Variants in PLAGL1 observed in about 807,000 individuals in gnomAD.
PLAGL1 encodes the protein PLAG1 like zinc finger 1.
A neutral mutation model predicts 4.6 loss-of-function variants in PLAGL1; 1 was observed. That is an observed-to-expected ratio of 0.22 (90% CI 0.08 to 1.03). PLAGL1 has a LOEUF of 1.03. Ranked by LOEUF, PLAGL1 falls within the 50% of genes least tolerant of loss-of-function variation. The probability of loss-of-function intolerance (pLI) is 0.58; values close to 1 mark genes in which losing one functional copy is unlikely to be tolerated. For synonymous variants in PLAGL1, 240 were observed against 237.8 expected (o/e 1.01, Z -0.08); for missense variants, 464 against 570.4 (o/e 0.81, Z 1.90).
At position 144,000,562 on chromosome 6, in the gene PLAGL1, T is replaced by A. The variant is rs1792637648; in HGVS notation, c.-584+7528A>T. Among the ~76,000 whole-genome samples, 1 of 152,078 alleles carries A rather than the reference T, an allele frequency of 6.6e-6. No individual in the cohort carries two copies. Among genetic ancestry groups the A allele is most frequent in the Non-Finnish European group, 1.5e-5 (1 of 67,980 alleles). On this transcript the variant is annotated intron_variant, in intron 1 of 7. Transcript: ENST00000674357. This position sits in a 1 kb window ranked among gnomAD's most constrained non-coding sequence, Gnocchi z 4.1. The stretch of plus-strand genomic sequence containing the variant: ...AAATGAAAAAATTGAGTATTGCAAA[T>A]ATACCCATTCTTCTCATATTGATCT...
chr6:144,046,431 A>G (rs1298749373), intron 1 of PLAGL1, among the ~76,000 whole-genome samples: 1 of 152,112 alleles, frequency 6.6e-6, no homozygotes, highest in Non-Finnish European at 1.5e-5. Context: ...TTTTCCTTCT[A>G]ACAGTCAGGT....
At chr6:143,981,047 A>G (rs1787824910) in intron 2 of PLAGL1, among the ~76,000 whole-genome samples, 1 of 152,216 alleles carries the variant, frequency 6.6e-6, no homozygotes, top group African/African-American at 2.4e-5. Context: ...CAGAGACTAC[A>G]TGGCCCACAT....
At position 143,963,478 on chromosome 6, in the gene PLAGL1, T is replaced by G. The variant is rs748123404; in HGVS notation, c.-399+1309A>C. On this transcript the variant is annotated intron_variant, in intron 5 of 7. Transcript: ENST00000674357. The surrounding 1 kb of genome is among the most constrained non-coding windows in gnomAD (Gnocchi z 6.1). ...TCCCGGATCCTCACCAGGTGATGGC[T>G]ACTGTTTTAAGAACTTTACCTAATA... is the stretch of plus-strand genomic sequence containing the variant. Among the ~76,000 whole-genome samples the G allele has an allele frequency of 1.3e-5, 2 of 152,208 alleles. No individual in the cohort carries two copies. Among genetic ancestry groups the G allele is most frequent in the Non-Finnish European group, 2.9e-5 (2 of 68,028 alleles).
chr6:144,011,478 T>G (rs911971094), upstream of PLAGL1, among the ~76,000 whole-genome samples: 29 of 152,204 alleles, frequency 1.9e-4, no homozygotes, highest in Non-Finnish European at 4.0e-4. This position sits in a 1 kb window ranked among gnomAD's most constrained non-coding sequence, Gnocchi z 4.3. Flanking sequence ...TCTTTAACAT[T>G]AATATACCCT....
intron 1 of PLAGL1, among the ~76,000 whole-genome samples, chr6:144,001,642 G>A (rs1302282409): frequency 6.6e-6 from 1 of 151,982 alleles, no homozygotes; most frequent in East Asian, 1.9e-4. Flanking sequence ...CTAACAAATA[G>A]ACCATGGAAA....
At chr6:144,021,853 G>T (rs1796001414) in intron 1 of PLAGL1, among the ~76,000 whole-genome samples, 1 of 152,194 alleles carries the variant, frequency 6.6e-6, no homozygotes. Flanking sequence ...TTCCAGAAAG[G>T]TTTCAAATGG....
intron 1 of PLAGL1, among the ~76,000 whole-genome samples, chr6:144,051,529 C>T (rs953951716): frequency 6.6e-6 from 1 of 152,166 alleles, no homozygotes; most frequent in Non-Finnish European, 1.5e-5. Context: ...AATGTTTTTA[C>T]CAAACCAACA....
rs1224822789 is a variant in PLAGL1, at chr6:143,948,387, A to G, written c.-251T>C. ...AAGCTGAGGGGAGAAAGTCTGAGGC[A>G]CAGGTGCGATTCAGGAGCAGAAAGG... On this transcript the variant is annotated 5_prime_UTR_variant, in exon 7 of 8. Transcript: ENST00000674357. The surrounding 1 kb of genome is among the most constrained non-coding windows in gnomAD (Gnocchi z 6.0). 1 of 448,892 alleles carries G rather than the reference A, an allele frequency of 2.2e-6. No individual in the cohort carries two copies. The highest frequency in any genetic ancestry group is 2.0e-5 in the African/African-American group (1 of 50,932). The allele number at this position is 448,892 out of a possible 1,614,324, so 27.8% of individuals were successfully genotyped here.
At chr6:143,981,861 C>A (rs1305645313) in intron 2 of PLAGL1, among the ~76,000 whole-genome samples, 1 of 152,196 alleles carries the variant, frequency 6.6e-6, no homozygotes, top group African/African-American at 2.4e-5. Flanking sequence ...GTGTAATAAG[C>A]AAAGTCAAAC....
intron 1 of PLAGL1, among the ~76,000 whole-genome samples, chr6:143,992,013 T>A (rs1263387943): frequency 6.6e-6 from 1 of 152,234 alleles, no homozygotes; most frequent in Non-Finnish European, 1.5e-5. Flanking sequence ...CAAACATGGT[T>A]TTCCAGGAAA....
chr6:143,952,579 A>C lies in PLAGL1; in HGVS notation c.-324-4119T>G, dbSNP rs895547962. The stretch of plus-strand genomic sequence containing the variant: ...GAGAGGATCAGACGGGAAGAAGAAC[A>C]TATATATATGGTAACAGCCAGGAAA... On this transcript the variant is annotated intron_variant, in intron 6 of 7. Transcript: ENST00000674357. This position sits in a 1 kb window ranked among gnomAD's most constrained non-coding sequence, Gnocchi z 6.1. 6.6e-6 allele frequency among the ~76,000 whole-genome samples: 1 copy of C among 152,102 alleles called. No individual in the cohort carries two copies. Among genetic ancestry groups the C allele is most frequent in the South Asian group, 2.1e-4 (1 of 4,808 alleles).
chr6:143,949,228 G>T lies in PLAGL1; in HGVS notation c.-324-768C>A, dbSNP rs1226035153. On this transcript the variant is annotated intron_variant, in intron 6 of 7. Transcript: ENST00000674357. This position sits in a 1 kb window ranked among gnomAD's most constrained non-coding sequence, Gnocchi z 5.3. The stretch of plus-strand genomic sequence containing the variant: ...CTACCTGCTGGTAGGCCACCTCCAG[G>T]AGATGGGCCTACTGCCTCCTCAAAC... Among the ~76,000 whole-genome samples, 1 of 152,116 alleles carries T rather than the reference G, an allele frequency of 6.6e-6. No individual in the cohort carries two copies. Among genetic ancestry groups the T allele is most frequent in the Non-Finnish European group, 1.5e-5 (1 of 68,012 alleles).
At position 143,945,478 on chromosome 6, in the gene PLAGL1, C is replaced by G. The variant is rs1246958169; in HGVS notation, c.152+2507G>C. Reference sequence around the variant, plus strand: ...TATTTTTTCCTTCAACCTCTGTTGCCTCATCATCCTTTTTTTGAGATGCAG... The same window carrying G: ...TATTTTTTCCTTCAACCTCTGTTGCGTCATCATCCTTTTTTTGAGATGCAG... On this transcript the variant is annotated intron_variant, in intron 7 of 7. Transcript: ENST00000674357. This position sits in a 1 kb window ranked among gnomAD's most constrained non-coding sequence, Gnocchi z 4.2. 6.6e-6 allele frequency among the ~76,000 whole-genome samples: 1 copy of G among 152,016 alleles called. No homozygotes were observed. Among genetic ancestry groups the G allele is most frequent in the African/African-American group, 2.4e-5 (1 of 41,366 alleles).
At chr6:144,012,035 G>A (rs534368967), upstream of PLAGL1, among the ~76,000 whole-genome samples, 2 of 152,270 alleles carry the variant, frequency 1.3e-5, no homozygotes, top group Admixed American at 6.5e-5. The surrounding 1 kb of genome is among the most constrained non-coding windows in gnomAD (Gnocchi z 4.8). Context: ...GTCTTGCAGC[G>A]GTGGGTGGAG....
rs1356979717 is a variant in PLAGL1 at position 144,027,002 on chromosome 6, A to T, written c.-151+37466T>A. ...CGAGGCAGGAGGATCACTTGAGTCC[A>T]GGAGTTCAAGACCAGTGTGGGTAAA... On this transcript the variant is annotated intron_variant, in intron 1 of 3. Transcript: ENST00000437412. The surrounding 1 kb of genome is among the most constrained non-coding windows in gnomAD (Gnocchi z 5.8). 6.6e-6 allele frequency among the ~76,000 whole-genome samples: 1 copy of T among 152,100 alleles called. No homozygotes were observed. Among genetic ancestry groups the T allele is most frequent in the Admixed American group, 6.6e-5 (1 of 15,250 alleles).
intron 1 of PLAGL1, among the ~76,000 whole-genome samples, chr6:144,019,402 G>C (rs904160354): frequency 2.6e-5 from 4 of 152,020 alleles, no homozygotes; most frequent in African/African-American, 7.2e-5. Flanking sequence ...AACCTGGGAG[G>C]CGGAGGTTGC....
intron 1 of PLAGL1, among the ~76,000 whole-genome samples, chr6:143,993,719 A>C (rs1791041682): frequency 6.6e-6 from 1 of 152,234 alleles, no homozygotes; most frequent in African/African-American, 2.4e-5. Flanking sequence ...AGCCAGTCCC[A>C]AGATAACTTC....
intron 1 of PLAGL1, among the ~76,000 whole-genome samples, chr6:144,003,759 A>T (rs995119635): frequency 2.0e-5 from 3 of 152,220 alleles, no homozygotes; most frequent in African/African-American, 4.8e-5. Context: ...CCTAATTTTT[A>T]AAAAATGGGC....
At position 144,059,007 on chromosome 6, in the gene PLAGL1, G is replaced by A. The variant is rs557933094; in HGVS notation, c.-151+5461C>T. Among the ~76,000 whole-genome samples the A allele has an allele frequency of 6.6e-5, 10 of 152,196 alleles. No homozygotes were observed. The highest frequency in any genetic ancestry group is 1.2e-4 in the Non-Finnish European group (8 of 68,034). On this transcript the variant is annotated intron_variant, in intron 1 of 3. Transcript: ENST00000437412. This position sits in a 1 kb window ranked among gnomAD's most constrained non-coding sequence, Gnocchi z 4.9. ...TAGTGCCCTGGGGGTACTCTGTGTGGTGGCTCCAGCCCCACATTTTCCCTC... is the reference window on the plus strand; with the variant it reads ...TAGTGCCCTGGGGGTACTCTGTGTGATGGCTCCAGCCCCACATTTTCCCTC...
Sources: allele counts gnomAD v4.1 joint callset (sites outside exome capture counted in the v4.1 genomes callset), GRCh38; gene constraint gnomAD v4.1.1; non-coding constraint Gnocchi (gnomAD v3.1); transcripts MANE v1.5; gene names NCBI Gene and HGNC (gene_info 2026-07-23, HGNC 2026-07-21).